Variants in CIB2 observed in about 807,000 individuals in gnomAD.
CIB2 encodes the protein calcium and integrin binding family member 2.
In CIB2, 19 loss-of-function variants were observed where a neutral mutation model predicts 23.1. The observed-to-expected ratio is 0.82, with a 90% CI of 0.57 to 1.21. The LOEUF (loss-of-function observed/expected upper bound fraction) is 1.21. Ranked by LOEUF, CIB2 falls within the 50% of genes most tolerant of loss-of-function variation. CIB2 has a pLI of 0.00. For missense variants in CIB2, 220 were observed against 241.5 expected (o/e 0.91, Z 0.59); for synonymous variants, 94 against 91.7 (o/e 1.03, Z -0.14).
chr15:78,113,539 T>TC (rs199677499), intron 2 of CIB2, among the ~76,000 whole-genome samples: 1 of 140,638 alleles, frequency 7.1e-6, no homozygotes, highest in Non-Finnish European at 1.6e-5. Flanking sequence ...TTTCTTTCTT[T>TC]TTTTTTTTTG....
At chr15:78,109,938 G>C (rs2074131259) in intron 3 of CIB2, among the ~76,000 whole-genome samples, 1 of 152,150 alleles carries the variant, frequency 6.6e-6, no homozygotes, top group Non-Finnish European at 1.5e-5. Context: ...GCTCTGCCTG[G>C]ATGTGTAGGG....
intron 1 of CIB2, among the ~76,000 whole-genome samples, chr15:78,124,648 T>C (rs1430568817): frequency 6.6e-6 from 1 of 152,082 alleles, no homozygotes; most frequent in East Asian, 1.9e-4. Flanking sequence ...TTTGTGCACC[T>C]CCCCTGCTGT....
intron 2 of CIB2, among the ~76,000 whole-genome samples, chr15:78,117,246 CAAAAAAAAAAA>C (rs60332437): frequency 0.015 from 836 of 55,502 alleles, 18 homozygotes; most frequent in Non-Finnish European, 0.018. Context: ...AAGCTACTGG[CAAAAAAAAAAA>C]AAAAAAAAAA....
Position 78,105,026 on chromosome 15 carries a change from A to C in CIB2, c.*285T>G. 2.3e-6 allele frequency: 1 copy of C among 443,268 alleles called. No individual in the cohort carries two copies. Among genetic ancestry groups the C allele is most frequent in the Non-Finnish European group, 4.1e-6 (1 of 241,160 alleles). 27.5% of individuals were successfully genotyped at this position (443,268 alleles called of 1,614,324 possible). On this transcript the variant is annotated 3_prime_UTR_variant, in exon 6 of 6. Transcript: ENST00000258930. ...TTCCCTCTTTGGGGGGGTGGGGAGCATTTCTGGAGTAGGAAAGGACTGGGG... is the reference window on the plus strand; with the variant it reads ...TTCCCTCTTTGGGGGGGTGGGGAGCCTTTCTGGAGTAGGAAAGGACTGGGG...
intron 2 of CIB2, among the ~76,000 whole-genome samples, chr15:78,113,795 G>A (rs2074197446): frequency 6.6e-6 from 1 of 152,194 alleles, no homozygotes; most frequent in South Asian, 2.1e-4. Context: ...CTCCCAAAGT[G>A]CTGGGATTAC....
chr15:78,117,095 G>A (rs1345554338), intron 2 of CIB2, among the ~76,000 whole-genome samples: 8 of 151,096 alleles, frequency 5.3e-5, no homozygotes, highest in Non-Finnish European at 1.2e-4. Flanking sequence ...ATTCCTGATC[G>A]GAAAGACTTA....
chr15:78,118,342 C>T (rs1221964681), intron 2 of CIB2, among the ~76,000 whole-genome samples: 1 of 151,920 alleles, frequency 6.6e-6, no homozygotes, highest in Non-Finnish European at 1.5e-5. Context: ...CCTGTAATCC[C>T]AGCACTTTGG....
At position 78,105,135 on chromosome 15, in the gene CIB2, C is replaced by A; in HGVS notation, c.*176G>T. 1.1e-6 allele frequency: 1 copy of A among 877,722 alleles called. No homozygotes were observed. Among genetic ancestry groups the A allele is most frequent in the Non-Finnish European group, 1.7e-6 (1 of 580,718 alleles). The allele number at this position is 877,722 out of a possible 1,614,324, so 54.4% of individuals were successfully genotyped here. On this transcript the variant is annotated 3_prime_UTR_variant, in exon 6 of 6. Coordinates refer to ENST00000258930, the MANE Select transcript of CIB2 (RefSeq NM_006383.4). ...GCGGGGCTGTGGGAAGGGTCCTAAC[C>A]TTCACAGGCCCCCTTCCTGGTTAAG...
intron 4 of CIB2, 42 bp downstream of exon 4, chr15:78,109,193 C>CT: frequency 6.6e-6 from 7 of 1,063,396 alleles, no homozygotes; most frequent in South Asian, 4.2e-5. Context: ...CCCACATGTT[C>CT]CCCCACCGCA....
intron 3 of CIB2, among the ~76,000 whole-genome samples, chr15:78,110,092 C>T (rs1596349772): frequency 6.6e-6 from 1 of 152,342 alleles, no homozygotes; most frequent in East Asian, 1.9e-4. Context: ...CCAGTTCAGG[C>T]CCAGGTCTGC....
At chr15:78,130,245 G>GA (rs2074435483) in intron 1 of CIB2, among the ~76,000 whole-genome samples, 1 of 144,414 alleles carries the variant, frequency 6.9e-6, no homozygotes, top group South Asian at 2.2e-4. Context: ...AGATCCTCTG[G>GA]AGGGGGGAAA....
chr15:78,106,960 G>C (rs1392285691), intron 4 of CIB2, among the ~76,000 whole-genome samples: 3 of 152,094 alleles, frequency 2.0e-5, no homozygotes, highest in African/African-American at 7.2e-5. Flanking sequence ...CAGGCGCGGT[G>C]GTTCACGCCT....
intron 2 of CIB2, among the ~76,000 whole-genome samples, chr15:78,114,458 T>C (rs1439059184): frequency 1.3e-5 from 2 of 152,188 alleles, no homozygotes; most frequent in East Asian, 1.9e-4. Context: ...TTAGTCCTAC[T>C]GTAACATCCA....
chr15:78,106,954 C>T (rs1350662626), intron 4 of CIB2, among the ~76,000 whole-genome samples: 1 of 152,054 alleles, frequency 6.6e-6, no homozygotes, highest in Non-Finnish European at 1.5e-5. Flanking sequence ...GGTGGCCAGG[C>T]GCGGTGGTTC....
chr15:78,131,422 C>T lies in CIB2; in HGVS notation c.-207G>A. On this transcript the variant is annotated 5_prime_UTR_variant, in exon 1 of 6. Coordinates refer to ENST00000258930, the MANE Select transcript of CIB2 (RefSeq NM_006383.4). The surrounding 1 kb of genome is among the most constrained non-coding windows in gnomAD (Gnocchi z 5.8). The stretch of plus-strand genomic sequence containing the variant: ...CGGGGACGGGAACCCGGAGCGGCAG[C>T]GACTCCGCCGCCGGCGGGAAGAGGG... 1 of 201,820 alleles carries T rather than the reference C, an allele frequency of 5.0e-6. No individual in the cohort carries two copies. The highest frequency in any genetic ancestry group is 9.4e-6 in the Non-Finnish European group (1 of 106,024). 12.5% of individuals were successfully genotyped at this position (201,820 alleles called of 1,614,324 possible).
At chr15:78,112,451 C>G (rs560160817) in intron 2 of CIB2, among the ~76,000 whole-genome samples, 46 of 152,230 alleles carry the variant, frequency 3.0e-4, no homozygotes, top group Non-Finnish European at 6.3e-4. Flanking sequence ...GTCATAGCTA[C>G]TTGGGAGGCT....
intron 1 of CIB2, 102 bp from the exon 2 acceptor site, chr15:78,123,841 T>A: frequency 7.5e-7 from 1 of 1,339,288 alleles, no homozygotes; most frequent in Non-Finnish European, 1.1e-6. Context: ...AGCTCCGGAC[T>A]GGGGACAGAA....
intron 1 of CIB2, among the ~76,000 whole-genome samples, chr15:78,126,412 G>A (rs747289797): frequency 2.0e-5 from 3 of 152,180 alleles, no homozygotes; most frequent in Non-Finnish European, 1.5e-5. Context: ...CCAAAGTGCC[G>A]GGATTATAGG....
intron 2 of CIB2, among the ~76,000 whole-genome samples, chr15:78,112,431 T>C (rs2074174988): frequency 6.6e-6 from 1 of 152,022 alleles, no homozygotes; most frequent in Non-Finnish European, 1.5e-5. Context: ...TAGCTGGATA[T>C]CGTGGCTCAG....
Sources: allele counts gnomAD v4.1 joint callset (sites outside exome capture counted in the v4.1 genomes callset), GRCh38; gene constraint gnomAD v4.1.1; non-coding constraint Gnocchi (gnomAD v3.1); transcripts MANE v1.5; gene names NCBI Gene and HGNC (gene_info 2026-07-23, HGNC 2026-07-21).